RIMS1: variants seen among roughly 807,000 people sequenced by gnomAD.
RIMS1 encodes regulating synaptic membrane exocytosis 1.
In RIMS1, 83 loss-of-function variants were observed where a neutral mutation model predicts 214.1. The ratio of observed to expected loss-of-function variants is 0.39; its 90% CI spans 0.32 to 0.47. RIMS1 has a LOEUF of 0.47. Among genes scored for constraint, RIMS1 ranks in the 20% least tolerant of loss-of-function variants. The pLI is 0.99. For missense variants in RIMS1, 2,050 were observed against 2,161.8 expected, an observed-to-expected ratio of 0.95 and a Z score of 1.03; for synonymous variants, 793 against 786.8, an observed-to-expected ratio of 1.01 and a Z score of -0.13.
Position 71,887,062 on chromosome 6 carries a change from C to G in RIMS1, c.39C>G (p.Pro13=), listed in dbSNP as rs538562890. The change falls in exon 1 of 34, where the codon CCC becomes CCG. Residue 13 remains proline (P), a synonymous_variant. Coordinates refer to ENST00000521978, the MANE Select transcript of RIMS1 (RefSeq NM_014989.7). ...TGGGGCCCCGCGGTCCTCGCCCACC[C>G]ACGGTGCCTCCCCCCATGCAAGAGC... ...SAVGPRGPRP[P]TVPPPMQELP... is the part of the protein sequence containing the mutation. 28 of 1,613,552 alleles carry G rather than the reference C, an allele frequency of 1.7e-5. No homozygotes were observed. In the East Asian group the frequency reaches 6.0e-4, roughly 35 times the overall value.
rs752455133 is a variant in RIMS1, at chr6:72,333,629, G to T, written c.4160G>T (p.Arg1387Leu). ...SSFTPKMQGR[R>L]MGTSGRSIMK... ...TTTACCCCCAAAATGCAAGGCAGAC[G>T]GATGGGGACTTCAGGAAGATCCATC... Residue 1387 changes from arginine to leucine, a missense_variant, in exon 29 of 34, where the codon CGG becomes CTG. Physicochemically the swap from Arg to Leu is moderately radical, Grantham distance 102. Coordinates refer to ENST00000521978, the MANE Select transcript of RIMS1 (RefSeq NM_014989.7). 1.9e-6 allele frequency: 3 copies of T among 1,594,624 alleles called. No individual in the cohort carries two copies. In the African/African-American group the frequency reaches 4.0e-5, roughly 21 times the overall value.
chr6:72,096,379 TGGG>T (rs1429580244), intron 2 of RIMS1, among the ~76,000 whole-genome samples: 1 of 152,108 alleles, frequency 6.6e-6, no homozygotes, highest in Non-Finnish European at 1.5e-5. Context: ...CCTCCAGGAA[TGGG>T]GGATAGAAGA....
At chr6:72,234,798 G>C (rs977578714) in intron 7 of RIMS1, among the ~76,000 whole-genome samples, 13 of 151,900 alleles carry the variant, frequency 8.6e-5, no homozygotes, top group African/African-American at 1.7e-4. Flanking sequence ...TTTCCAGAAT[G>C]TCACATGGTT....
intron 1 of RIMS1, among the ~76,000 whole-genome samples, chr6:71,906,801 TG>T (rs976824881): frequency 3.3e-5 from 5 of 152,270 alleles, no homozygotes; most frequent in African/African-American, 9.6e-5. Context: ...AGGATAACAA[TG>T]GTAATATATT....
intron 2 of RIMS1, among the ~76,000 whole-genome samples, chr6:72,036,669 A>G (rs912494242): frequency 2.0e-5 from 3 of 152,214 alleles, no homozygotes; most frequent in Non-Finnish European, 4.4e-5. Context: ...CACATATTTA[A>G]CACTATATCC....
intron 24 of RIMS1, among the ~76,000 whole-genome samples, chr6:72,288,894 A>G (rs1284133081): frequency 6.6e-6 from 1 of 152,038 alleles, no homozygotes; most frequent in Non-Finnish European, 1.5e-5. Flanking sequence ...GAAAAAAAAC[A>G]TATATTGTGC....
intron 6 of RIMS1, among the ~76,000 whole-genome samples, chr6:72,210,952 G>A (rs939038070): frequency 2.0e-5 from 3 of 152,172 alleles, no homozygotes; most frequent in Non-Finnish European, 4.4e-5. Context: ...GAAATATTAT[G>A]CAAGGCCGAC....
chr6:72,400,382 A>G, intron 33 of RIMS1, 114 bp from the exon 34 acceptor site: 1 of 792,350 alleles, frequency 1.3e-6, no homozygotes, highest in Non-Finnish European at 2.2e-6. Context: ...TGTATTCATT[A>G]TTCTTTTCCT....
chr6:71,953,812 T>C (rs532838264), intron 1 of RIMS1, among the ~76,000 whole-genome samples: 1 of 152,332 alleles, frequency 6.6e-6, no homozygotes, highest in African/African-American at 2.4e-5. Context: ...GCTCTTCTGT[T>C]GAGACCACTG....
intron 29 of RIMS1, among the ~76,000 whole-genome samples, chr6:72,352,085 G>A (rs917257717): frequency 1.3e-5 from 2 of 152,172 alleles, no homozygotes; most frequent in Admixed American, 1.3e-4. Context: ...TGGCCGAGGA[G>A]GTGGCACTGT....
At chr6:72,252,194 G>T (rs1024602207) in intron 15 of RIMS1, among the ~76,000 whole-genome samples, 4 of 152,078 alleles carry the variant, frequency 2.6e-5, no homozygotes. Context: ...TTGGTAATCT[G>T]GAACTAAATT....
intron 6 of RIMS1, among the ~76,000 whole-genome samples, chr6:72,232,529 T>C (rs575291611): frequency 7.3e-4 from 111 of 151,804 alleles, no homozygotes; most frequent in African/African-American, 2.3e-3. Flanking sequence ...TTAAAGTATG[T>C]GATTTGGAGA....
chr6:72,019,781 G>A (rs530830153), intron 2 of RIMS1, among the ~76,000 whole-genome samples: 4 of 152,252 alleles, frequency 2.6e-5, no homozygotes, highest in Admixed American at 2.6e-4. Context: ...GGGGATGAGA[G>A]TGATGGCATT....
At chr6:71,912,894 A>AC (rs1457782367) in intron 1 of RIMS1, among the ~76,000 whole-genome samples, 1 of 152,172 alleles carries the variant, frequency 6.6e-6, no homozygotes, top group Non-Finnish European at 1.5e-5. Flanking sequence ...CAAACAAAAG[A>AC]CCAATACCTT....
intron 2 of RIMS1, among the ~76,000 whole-genome samples, chr6:72,021,382 G>C (rs952856834): frequency 6.6e-6 from 1 of 152,214 alleles, no homozygotes; most frequent in East Asian, 1.9e-4. Context: ...GTATTTGCCA[G>C]TGATATACTC....
intron 16 of RIMS1, among the ~76,000 whole-genome samples, chr6:72,256,112 A>G (rs2075741423): frequency 6.6e-6 from 1 of 152,118 alleles, no homozygotes; most frequent in Admixed American, 6.6e-5. Context: ...ACATAATGTG[A>G]AGAAAATCAA....
intron 1 of RIMS1, among the ~76,000 whole-genome samples, chr6:71,929,229 A>G (rs62407755): frequency 0.13 from 19,912 of 152,152 alleles, 1,668 homozygotes; most frequent in Middle Eastern, 0.21. Context: ...CTGTGTTCCT[A>G]GGGTCAGGTA....
In RIMS1 at chr6:72,141,813, G is replaced by T. The variant is rs959107678; in HGVS notation, c.472-37762G>T. On this transcript the variant is annotated intron_variant, in intron 4 of 33. Coordinates refer to ENST00000521978, the MANE Select transcript of RIMS1 (RefSeq NM_014989.7). ...TCACTAGACTTGGATTAAAGTGGTT[G>T]GTTCTCACCTCAGCTGAGCTATTAG... Among the ~76,000 whole-genome samples, 70 of 151,882 alleles carry T rather than the reference G, an allele frequency of 4.6e-4. 1 individual carries two copies. Among genetic ancestry groups the T allele is most frequent in the Non-Finnish European group, 7.7e-4 (52 of 67,842 alleles).
intron 28 of RIMS1, among the ~76,000 whole-genome samples, chr6:72,330,039 A>G (rs2154336412): frequency 6.6e-6 from 1 of 151,966 alleles, no homozygotes; most frequent in East Asian, 1.9e-4. Context: ...CATGTAGAAG[A>G]ATATAGGCCA....
Sources: gnomAD v4.1 joint callset for allele counts (sites outside exome capture counted in the v4.1 genomes callset) on GRCh38, gnomAD v4.1.1 for gene constraint, MANE v1.5 for transcripts, NCBI Gene and HGNC (gene_info 2026-07-23, HGNC 2026-07-21) for gene names.